OPCML: variants seen among roughly 807,000 people sequenced by gnomAD.
The protein encoded by OPCML is opioid binding protein/cell adhesion molecule like.
In OPCML, 13 loss-of-function variants were observed where a neutral mutation model predicts 37.8. The ratio of observed to expected loss-of-function variants is 0.34; its 90% CI spans 0.22 to 0.55. The LOEUF is 0.55. OPCML is among the 20% of genes least tolerant of loss of function. OPCML has a pLI of 0.91. For missense variants in OPCML, 341 were observed against 435.6 expected (o/e 0.78, Z 1.93); for synonymous variants, 176 against 168.8 (o/e 1.04, Z -0.33).
At chr11:132,510,370 G>A (rs965440729) in intron 4 of OPCML, among the ~76,000 whole-genome samples, 2 of 152,148 alleles carry the variant, frequency 1.3e-5, no homozygotes, top group African/African-American at 2.4e-5. Context: ...TTGGGGGACT[G>A]TTGGGAAGGC....
chr11:133,289,248 T>C (rs1268592500), intron 1 of OPCML, among the ~76,000 whole-genome samples: 1 of 152,244 alleles, frequency 6.6e-6, no homozygotes, highest in Non-Finnish European at 1.5e-5. Flanking sequence ...CAAATACTTA[T>C]GATTCCTGAC....
At chr11:132,842,229 T>C (rs1941326250) in intron 2 of OPCML, among the ~76,000 whole-genome samples, 1 of 152,170 alleles carries the variant, frequency 6.6e-6, no homozygotes, top group African/African-American at 2.4e-5. Flanking sequence ...AGAGCTCCCA[T>C]AGGAGTCTGT....
At chr11:132,597,253 C>T (rs1452946725) in intron 3 of OPCML, among the ~76,000 whole-genome samples, 2 of 152,180 alleles carry the variant, frequency 1.3e-5, no homozygotes, top group Non-Finnish European at 2.9e-5. Flanking sequence ...CTCCATTTCA[C>T]AATATGCTAT....
intron 1 of OPCML, among the ~76,000 whole-genome samples, chr11:133,397,189 G>A: frequency 6.6e-6 from 1 of 152,126 alleles, no homozygotes. Context: ...AAAAATGTAG[G>A]CAGTCTTCCC....
intron 7 of OPCML, among the ~76,000 whole-genome samples, chr11:132,433,830 GC>G (rs1195906356): frequency 1.3e-5 from 2 of 152,304 alleles, no homozygotes; most frequent in East Asian, 3.9e-4. Flanking sequence ...CATGAGGTGA[GC>G]CCTCACAGGA....
intron 1 of OPCML, among the ~76,000 whole-genome samples, chr11:133,187,925 ATGG>A (rs1938156589): frequency 6.6e-6 from 1 of 152,216 alleles, no homozygotes; most frequent in African/African-American, 2.4e-5. Context: ...CAGCTAACAC[ATGG>A]TGGAGTCAGA....
In OPCML at chr11:132,418,250, C is replaced by G. The variant is rs889693196; in HGVS notation, c.*1943G>C. 1.3e-5 allele frequency: 2 copies of G among 152,170 alleles called. No homozygotes were observed. Among genetic ancestry groups the G allele is most frequent in the Non-Finnish European group, 2.9e-5 (2 of 68,032 alleles). The allele number at this position is 152,170 out of a possible 1,614,324, so 9.4% of individuals were successfully genotyped here. ...AAAAGGTTTTCCAACTGAGGCAGGG[C>G]AGGTCTGCGATTGATGCTGCATTCT... On this transcript the variant is annotated 3_prime_UTR_variant, in exon 8 of 8. Transcript: ENST00000524381.
intron 1 of OPCML, among the ~76,000 whole-genome samples, chr11:133,337,871 A>T (rs748850579): frequency 2.8e-4 from 42 of 152,098 alleles, no homozygotes; most frequent in Non-Finnish European, 1.3e-4. Flanking sequence ...TTACAGCTGA[A>T]TTCTGAAATT....
intron 3 of OPCML, among the ~76,000 whole-genome samples, chr11:132,633,937 A>G (rs1269430931): frequency 6.6e-6 from 1 of 152,158 alleles, no homozygotes; most frequent in Non-Finnish European, 1.5e-5. Context: ...CTACAGTGAG[A>G]GCCTCAAGGC....
At chr11:132,583,211 G>GCCA (rs1188816673) in intron 3 of OPCML, among the ~76,000 whole-genome samples, 1 of 151,898 alleles carries the variant, frequency 6.6e-6, no homozygotes, top group Admixed American at 6.6e-5. Flanking sequence ...ACAGGAATGT[G>GCCA]CCACCACACC....
At chr11:132,467,621 C>T (rs542819745) in intron 4 of OPCML, among the ~76,000 whole-genome samples, 10 of 152,310 alleles carry the variant, frequency 6.6e-5, no homozygotes, top group East Asian at 3.9e-4. Flanking sequence ...GGCACACCAA[C>T]GCCCAGATGC....
rs577164131 is a variant in OPCML, at chr11:132,531,034, T to C, written c.380-1848A>G. Among the ~76,000 whole-genome samples the C allele has an allele frequency of 4.6e-5, 7 of 152,266 alleles. 2 individuals are homozygous for C. The highest frequency in any genetic ancestry group is 1.2e-4 in the African/African-American group (5 of 41,566). On this transcript the variant is annotated intron_variant, in intron 3 of 7. Transcript: ENST00000524381. ...GTTTAGACCTGTCTCAGGAAGGGTA[T>C]TGAACATGCTCTGTGTATGGCAGTT...
At chr11:132,733,450 A>C (rs1175071683) in intron 2 of OPCML, among the ~76,000 whole-genome samples, 1 of 152,176 alleles carries the variant, frequency 6.6e-6, no homozygotes, top group African/African-American at 2.4e-5. Context: ...TGTAGCTGAG[A>C]GGTATTAGAA....
At chr11:132,433,129 G>C (rs1236488147) in intron 7 of OPCML, among the ~76,000 whole-genome samples, 1 of 152,152 alleles carries the variant, frequency 6.6e-6, no homozygotes, top group Non-Finnish European at 1.5e-5. Context: ...GAAGGGCACA[G>C]GGGACTTTGG....
intron 4 of OPCML, among the ~76,000 whole-genome samples, chr11:132,490,098 C>A (rs1222128175): frequency 1.3e-5 from 2 of 151,906 alleles, no homozygotes; most frequent in Non-Finnish European, 1.5e-5. Context: ...CACTGATGGG[C>A]ATTTGGGTTG....
In OPCML at chr11:132,418,019, A is replaced by G. The variant is rs780733027; in HGVS notation, c.*2174T>C. ...CCTCTTAAGACAGTGCTTAGCATTT[A>G]GTGTGCCAAGATAGCCTATGTTTGT... On this transcript the variant is annotated 3_prime_UTR_variant, in exon 8 of 8. Coordinates refer to ENST00000524381, the MANE Select transcript of OPCML (RefSeq NM_001012393.5). 4.6e-5 allele frequency: 7 copies of G among 152,220 alleles called. No individual in the cohort carries two copies. Among genetic ancestry groups the G allele is most frequent in the Non-Finnish European group, 8.8e-5 (6 of 68,048 alleles). 9.4% of individuals were successfully genotyped at this position (152,220 alleles called of 1,614,324 possible). A position where few individuals can be genotyped will look rare whatever the true frequency, so the allele number is the denominator to read the frequency against.
chr11:133,419,642 A>G (rs1945841406), intron 1 of OPCML, among the ~76,000 whole-genome samples: 1 of 152,176 alleles, frequency 6.6e-6, no homozygotes, highest in Non-Finnish European at 1.5e-5. Flanking sequence ...GTAGCCTAAA[A>G]TTGACCATGG....
At chr11:132,465,110 T>G (rs1449020390) in intron 4 of OPCML, among the ~76,000 whole-genome samples, 2 of 152,180 alleles carry the variant, frequency 1.3e-5, no homozygotes, top group South Asian at 4.1e-4. Context: ...AAAAGATACA[T>G]CATAATTTAT....
At chr11:132,702,520 T>C (rs548534827) in intron 2 of OPCML, among the ~76,000 whole-genome samples, 61 of 152,214 alleles carry the variant, frequency 4.0e-4, no homozygotes, top group Non-Finnish European at 7.6e-4. Context: ...GAGAATTTGA[T>C]TATAATGTGT....
Sources: gnomAD v4.1 joint callset for allele counts (sites outside exome capture counted in the v4.1 genomes callset) on GRCh38, gnomAD v4.1.1 for gene constraint, MANE v1.5 for transcripts, NCBI Gene and HGNC (gene_info 2026-07-23, HGNC 2026-07-21) for gene names.